HPSE2: variants seen among roughly 807,000 people sequenced by gnomAD.
HPSE2 encodes heparanase 2 (inactive), also known as inactive heparanase-2.
Under a neutral mutation model 60.5 loss-of-function variants are expected in HPSE2, and 38 were observed. The ratio of observed to expected loss-of-function variants is 0.63; its 90% CI spans 0.48 to 0.82. The LOEUF is 0.82. Ranked by LOEUF, HPSE2 falls within the 40% of genes least tolerant of loss-of-function variation. The pLI is 0.00. For synonymous variants in HPSE2, 295 were observed against 293.2 expected, an observed-to-expected ratio of 1.01 and a Z score of -0.06; for missense variants, 713 against 740.4, an observed-to-expected ratio of 0.96 and a Z score of 0.43.
At chr10:98,578,739 C>G (rs7082995) in intron 9 of HPSE2, among the ~76,000 whole-genome samples, 85,743 of 151,960 alleles carry the variant, frequency 0.56, 24,423 homozygotes, top group Middle Eastern at 0.65. Context: ...CTACAACTCA[C>G]AACTTGAGAC....
intron 3 of HPSE2, among the ~76,000 whole-genome samples, chr10:99,026,886 G>A (rs1030269455): frequency 1.8e-4 from 28 of 151,968 alleles, no homozygotes; most frequent in African/African-American, 6.5e-4. Context: ...GGTCAGTAAA[G>A]AAATTAAGAA....
At chr10:99,072,885 C>T (rs1440963264) in intron 3 of HPSE2, among the ~76,000 whole-genome samples, 5 of 135,778 alleles carry the variant, frequency 3.7e-5, no homozygotes, top group East Asian at 2.3e-4. Context: ...GCTGAGATTG[C>T]GCCACTGCAC....
intron 3 of HPSE2, among the ~76,000 whole-genome samples, chr10:98,767,479 A>AATACATGATAT (rs1232956145): frequency 5.3e-5 from 8 of 149,752 alleles, no homozygotes; most frequent in Non-Finnish European, 8.9e-5. Flanking sequence ...ATGTTTATAT[A>AATACATGATAT]ATACATGATA....
chr10:99,256,324 T>C, the HPSE2 span, among the ~76,000 whole-genome samples: 8 of 43,268 alleles, frequency 1.8e-4, no homozygotes, highest in Admixed American at 1.5e-3. Flanking sequence ...GCAAGTTTGA[T>C]CTCTTGCTCT....
intron 3 of HPSE2, among the ~76,000 whole-genome samples, chr10:98,979,584 T>A (rs556880628): frequency 6.6e-6 from 1 of 152,302 alleles, no homozygotes; most frequent in Admixed American, 6.5e-5. Flanking sequence ...GAGGTGTTTT[T>A]AAACAGAAAC....
At chr10:98,724,902 A>T (rs1949029991) in intron 4 of HPSE2, among the ~76,000 whole-genome samples, 1 of 152,150 alleles carries the variant, frequency 6.6e-6, no homozygotes, top group Non-Finnish European at 1.5e-5. Context: ...CTTCAAAGAG[A>T]ATAAAATACC....
At chr10:98,616,047 A>G (rs1264094097) in intron 8 of HPSE2, among the ~76,000 whole-genome samples, 1 of 152,110 alleles carries the variant, frequency 6.6e-6, no homozygotes, top group Non-Finnish European at 1.5e-5. Context: ...AAGTCCTTAT[A>G]CATGTTTTAA....
intron 2 of HPSE2, among the ~76,000 whole-genome samples, chr10:99,186,104 C>T (rs374737146): frequency 1.2e-5 from 1 of 80,694 alleles, no homozygotes; most frequent in Non-Finnish European, 2.9e-5. Context: ...GGATAAATAA[C>T]CACACACACA....
chr10:98,819,496 A>T lies in HPSE2; in HGVS notation c.611-75440T>A, dbSNP rs528697872. On this transcript the variant is annotated intron_variant, in intron 3 of 11. Transcript: ENST00000370552. ...GGAAGGGACTTCTTAGGAAAACATC[A>T]TGTGGCCATTACCTTTTCCCATAAG... Among the ~76,000 whole-genome samples, 11 of 149,452 alleles carry T rather than the reference A, an allele frequency of 7.4e-5. No individual in the cohort carries two copies. In the South Asian group the frequency reaches 2.3e-3, roughly 31 times the overall value.
intron 3 of HPSE2, among the ~76,000 whole-genome samples, chr10:98,873,311 G>T (rs1324320151): frequency 3.9e-5 from 6 of 151,946 alleles, no homozygotes; most frequent in Admixed American, 6.6e-5. Flanking sequence ...CACGTGCCAT[G>T]GTGGTTTGCT....
At chr10:98,808,756 C>A (rs528370770) in intron 3 of HPSE2, among the ~76,000 whole-genome samples, 77 of 152,136 alleles carry the variant, frequency 5.1e-4, no homozygotes, top group Non-Finnish European at 9.3e-4. Context: ...TTTTTACAGT[C>A]TCTATATAAA....
In HPSE2 at chr10:99,200,235, C is replaced by T. The variant is rs1048988024; in HGVS notation, c.448+32113G>A. Among the ~76,000 whole-genome samples the T allele has an allele frequency of 9.9e-5, 15 of 152,126 alleles. No homozygotes were observed. The East Asian group carries it at 2.7e-3, about 27-fold the overall frequency. ...CACCTGGGCAGCTAGTGACCCATTACTATTAGTAACTGCCTGACTGAAATG... is the reference window on the plus strand; with the variant it reads ...CACCTGGGCAGCTAGTGACCCATTATTATTAGTAACTGCCTGACTGAAATG... On this transcript the variant is annotated intron_variant, in intron 2 of 11. Coordinates refer to ENST00000370552, the MANE Select transcript of HPSE2 (RefSeq NM_021828.5).
intron 2 of HPSE2, among the ~76,000 whole-genome samples, chr10:99,172,809 C>T (rs531695627): frequency 2.0e-5 from 3 of 151,910 alleles, no homozygotes; most frequent in Non-Finnish European, 4.4e-5. Context: ...ACCTGAGAGG[C>T]GGAGGTTACA....
At chr10:98,504,516 T>C (rs770189634) in intron 9 of HPSE2, among the ~76,000 whole-genome samples, 10 of 152,290 alleles carry the variant, frequency 6.6e-5, no homozygotes, top group Non-Finnish European at 1.0e-4. Context: ...GCCAGGTGCA[T>C]TGGCTCATGC....
chr10:99,240,649 C>T (rs1849920708), upstream of HPSE2, among the ~76,000 whole-genome samples: 1 of 151,962 alleles, frequency 6.6e-6, no homozygotes. Flanking sequence ...CCTGACCTCG[C>T]GATCTGCCCG....
chr10:98,896,898 A>G (rs972546978), intron 3 of HPSE2, among the ~76,000 whole-genome samples: 3 of 152,208 alleles, frequency 2.0e-5, no homozygotes, highest in Non-Finnish European at 2.9e-5. Context: ...AACTCACACA[A>G]GGAGAAATAG....
intron 6 of HPSE2, among the ~76,000 whole-genome samples, chr10:98,656,990 T>A (rs1233074729): frequency 6.6e-6 from 1 of 152,132 alleles, no homozygotes; most frequent in African/African-American, 2.4e-5. Flanking sequence ...CTTGAACTCC[T>A]GACCTCAGCT....
the HPSE2 span, among the ~76,000 whole-genome samples, chr10:99,278,748 T>C: frequency 6.6e-6 from 1 of 152,220 alleles, no homozygotes; most frequent in African/African-American, 2.4e-5. Flanking sequence ...TTATTTGGAC[T>C]TTCTATTTCT....
chr10:98,463,086 G>A (rs954463800), intron 11 of HPSE2, among the ~76,000 whole-genome samples: 3 of 151,642 alleles, frequency 2.0e-5, no homozygotes, highest in Admixed American at 1.3e-4. Context: ...AAAATAATTC[G>A]ACCTTATAGT....
Sources: gnomAD v4.1 joint callset for allele counts (sites outside exome capture counted in the v4.1 genomes callset) on GRCh38, gnomAD v4.1.1 for gene constraint, MANE v1.5 for transcripts, NCBI Gene and HGNC (gene_info 2026-07-23, HGNC 2026-07-21) for gene names.